Variants in SYN3 observed in about 807,000 individuals in gnomAD.
The protein encoded by SYN3 is synapsin-3.
Under a neutral mutation model 65.8 loss-of-function variants are expected in SYN3, and 35 were observed. The observed-to-expected ratio is 0.53, with a 90% CI of 0.41 to 0.70. The LOEUF (loss-of-function observed/expected upper bound fraction) is 0.70. SYN3 is among the 30% of genes least tolerant of loss of function. The pLI is 0.00. For missense variants in SYN3, 680 were observed against 749.0 expected (o/e 0.91, Z 1.08); for synonymous variants, 270 against 292.9 (o/e 0.92, Z 0.80).
intron 6 of SYN3, among the ~76,000 whole-genome samples, chr22:32,822,742 TG>T (rs2047286979): frequency 6.6e-6 from 1 of 151,926 alleles, no homozygotes; most frequent in African/African-American, 2.4e-5. Flanking sequence ...TCAAAGGAGG[TG>T]GGTGTGGCCC....
intron 1 of SYN3, among the ~76,000 whole-genome samples, chr22:33,051,182 G>A (rs953720595): frequency 6.6e-6 from 1 of 152,086 alleles, no homozygotes; most frequent in Non-Finnish European, 1.5e-5. Context: ...ACACAGGGTG[G>A]CAAACACCAA....
At chr22:32,591,123 C>A (rs955089361) in intron 7 of SYN3, among the ~76,000 whole-genome samples, 2 of 152,068 alleles carry the variant, frequency 1.3e-5, no homozygotes, top group African/African-American at 4.8e-5. Context: ...GTGGACGAGG[C>A]AACTTATCTA....
chr22:32,634,471 G>A (rs2059787701), intron 6 of SYN3, among the ~76,000 whole-genome samples: 1 of 152,186 alleles, frequency 6.6e-6, no homozygotes, highest in African/African-American at 2.4e-5. Context: ...GGAATGAGGG[G>A]TTGACGGCAT....
chr22:32,895,463 T>C (rs1274583712), intron 4 of SYN3, among the ~76,000 whole-genome samples: 1 of 152,188 alleles, frequency 6.6e-6, no homozygotes, highest in Non-Finnish European at 1.5e-5. Context: ...CTCAGACTAA[T>C]ACAGACAGTA....
At chr22:32,557,034 ACT>A (rs2058513559) in intron 7 of SYN3, among the ~76,000 whole-genome samples, 1 of 151,906 alleles carries the variant, frequency 6.6e-6, no homozygotes. Flanking sequence ...GATGGTATAA[ACT>A]CTGTTCAAGA....
rs143895010 is a variant in SYN3 at position 32,997,543 on chromosome 22, C to G, written c.311+8809G>C. 3.1e-3 allele frequency among the ~76,000 whole-genome samples: 477 copies of G among 152,252 alleles called. 5 individuals carry two copies. The highest frequency in any genetic ancestry group is 0.011 in the African/African-American group (460 of 41,550). On this transcript the variant is annotated intron_variant, in intron 2 of 13. Transcript: ENST00000358763. ...GCATGGTTTCTCCACGCTCTGCCCC[C>G]CTCACCTTTAAATGAGCTGACAGTC...
intron 6 of SYN3, among the ~76,000 whole-genome samples, chr22:32,794,920 A>G (rs1464759028): frequency 6.6e-6 from 1 of 152,202 alleles, no homozygotes; most frequent in Non-Finnish European, 1.5e-5. Flanking sequence ...TGCATTGTGA[A>G]CAAGGCTCAG....
At chr22:32,884,255 A>T (rs2049229018) in intron 4 of SYN3, among the ~76,000 whole-genome samples, 1 of 152,248 alleles carries the variant, frequency 6.6e-6, no homozygotes, top group African/African-American at 2.4e-5. Flanking sequence ...GGCTAAGCAC[A>T]CAAGAGCTCA....
At chr22:32,602,545 TCCAACTC>T (rs1183948235) in intron 6 of SYN3, among the ~76,000 whole-genome samples, 14 of 152,178 alleles carry the variant, frequency 9.2e-5, no homozygotes, top group Non-Finnish European at 2.1e-4. Context: ...CACTGCAACC[TCCAACTC>T]CCTGGTTCAA....
In SYN3 at chr22:32,526,488, C is replaced by T. The variant is rs138054925; in HGVS notation, c.1318+1430G>A. ...GGCCACAACATGATAGTAATGCCTT[C>T]TTTCTGATATATATATATAATTTAT... On this transcript the variant is annotated intron_variant, in intron 12 of 13. Coordinates refer to ENST00000358763, the MANE Select transcript of SYN3 (RefSeq NM_003490.4). Among the ~76,000 whole-genome samples the T allele has an allele frequency of 9.6e-3, 1,463 of 151,786 alleles. 28 individuals carry two copies. The highest frequency in any genetic ancestry group is 0.032 in the African/African-American group (1,342 of 41,390).
At chr22:33,016,160 T>C (rs2053463372) in intron 1 of SYN3, among the ~76,000 whole-genome samples, 1 of 152,216 alleles carries the variant, frequency 6.6e-6, no homozygotes, top group Non-Finnish European at 1.5e-5. Flanking sequence ...AATAATTTCT[T>C]ACACACTTGT....
At chr22:32,931,289 G>A (rs2050621282) in intron 4 of SYN3, 101 bp downstream of exon 4, 2 of 770,756 alleles carry the variant, frequency 2.6e-6, no homozygotes, top group South Asian at 3.0e-5. Flanking sequence ...AAGTACATGT[G>A]GCAAAGGAGT....
chr22:32,991,208 G>T lies in SYN3; in HGVS notation c.312-10506C>A, dbSNP rs1241532531. Among the ~76,000 whole-genome samples, 3 of 150,440 alleles carry T rather than the reference G, an allele frequency of 2.0e-5. No homozygotes were observed. The East Asian group carries it at 5.9e-4, about 29-fold the overall frequency. ...AAAAAAAGAAAAAAAAAAATTAGCC[G>T]GGCATGGTGGTGCATACTACCGGGG... On this transcript the variant is annotated intron_variant, in intron 2 of 13. Coordinates refer to ENST00000358763, the MANE Select transcript of SYN3 (RefSeq NM_003490.4).
At chr22:32,869,331 T>TCTCTCTCTCC (rs1491397678) in intron 4 of SYN3, among the ~76,000 whole-genome samples, 1 of 7,034 alleles carries the variant, frequency 1.4e-4, no homozygotes, top group African/African-American at 7.8e-4. Context: ...CTATATATAT[T>TCTCTCTCTCC]CTCTCTCTCT....
At chr22:32,728,408 C>T (rs747181970) in intron 6 of SYN3, among the ~76,000 whole-genome samples, 2 of 152,226 alleles carry the variant, frequency 1.3e-5, no homozygotes, top group African/African-American at 2.4e-5. Context: ...CAGCTCCTTC[C>T]TGTCTTAGGG....
chr22:32,972,140 A>G (rs1198202190), intron 3 of SYN3, among the ~76,000 whole-genome samples: 2 of 152,244 alleles, frequency 1.3e-5, no homozygotes, highest in African/African-American at 4.8e-5. Context: ...GCATTACAGC[A>G]TCCACCACCT....
chr22:32,976,933 C>T (rs1299164713), intron 3 of SYN3, among the ~76,000 whole-genome samples: 1 of 151,816 alleles, frequency 6.6e-6, no homozygotes, highest in Non-Finnish European at 1.5e-5. Flanking sequence ...CCAGCTCAGA[C>T]TAAACAGTGG....
At chr22:32,689,400 C>T (rs1485798105) in intron 6 of SYN3, among the ~76,000 whole-genome samples, 4 of 152,180 alleles carry the variant, frequency 2.6e-5, no homozygotes, top group Non-Finnish European at 4.4e-5. Flanking sequence ...CAGGGACTCC[C>T]GTGTCACGGG....
chr22:33,053,573 C>CATAGACTCTT, intron 1 of SYN3, among the ~76,000 whole-genome samples: 1 of 152,302 alleles, frequency 6.6e-6, no homozygotes, highest in Middle Eastern at 3.4e-3. Context: ...TTACAGAAAA[C>CATAGACTCTT]ATAGACTCTC....
Sources: gnomAD v4.1 joint callset for allele counts (sites outside exome capture counted in the v4.1 genomes callset) on GRCh38, gnomAD v4.1.1 for gene constraint, MANE v1.5 for transcripts, NCBI Gene and HGNC (gene_info 2026-07-23, HGNC 2026-07-21) for gene names.